The following POLD1 variants were observed in gnomAD, a reference collection of about 807,000 sequenced individuals.
POLD1 encodes the protein DNA polymerase delta 1, catalytic subunit.
A neutral mutation model predicts 129.7 loss-of-function variants in POLD1; 79 were observed. The observed-to-expected ratio is 0.61, with a 90% CI of 0.51 to 0.73. POLD1 has a LOEUF of 0.73. Among genes scored for constraint, POLD1 ranks in the 30% least tolerant of loss-of-function variants. POLD1 has a pLI of 0.00. For missense variants in POLD1, 1,338 were observed against 1,595.8 expected, an observed-to-expected ratio of 0.84 and a Z score of 2.75; for synonymous variants, 714 against 683.3, an observed-to-expected ratio of 1.04 and a Z score of -0.70.
rs186005257 is a variant in POLD1 at position 50,405,298 on chromosome 19, A to G, written c.1243-884A>G. Among the ~76,000 whole-genome samples the G allele has an allele frequency of 4.6e-5, 7 of 152,302 alleles. No homozygotes were observed. The East Asian group carries it at 1.4e-3, about 29-fold the overall frequency. On this transcript the variant is annotated intron_variant, in intron 10 of 26. Coordinates refer to ENST00000440232, the MANE Select transcript of POLD1 (RefSeq NM_002691.4). ...TTCACTTGACCCCCTGCGAAGACAT[A>G]TTTCCAAATGAGGTTACATTCTGAG...
At chr19:50,386,471 C>T (rs2037975652) in intron 1 of POLD1, among the ~76,000 whole-genome samples, 1 of 152,196 alleles carries the variant, frequency 6.6e-6, no homozygotes, top group South Asian at 2.1e-4. Context: ...GGACACTGTG[C>T]AGAGTGATGC....
chr19:50,415,694 T>A, intron 21 of POLD1, 30 bp from the exon 22 acceptor site: 4 of 580,476 alleles, frequency 6.9e-6, no homozygotes, highest in South Asian at 1.9e-5. Flanking sequence ...CCACCTGCCC[T>A]CACCCACCCG....
chr19:50,393,836 A>G (rs1388227233), intron 1 of POLD1: 1 of 152,262 alleles, frequency 6.6e-6, no homozygotes, highest in Non-Finnish European at 1.5e-5. Context: ...CCTTCTGCAC[A>G]GCCTGCTTTC....
chr19:50,410,104 C>T (rs1460730071), intron 17 of POLD1, among the ~76,000 whole-genome samples: 2 of 152,156 alleles, frequency 1.3e-5, no homozygotes, highest in East Asian at 1.9e-4. Flanking sequence ...GGCCAAGGGA[C>T]GTGGGGAGGG....
At chr19:50,411,496 T>C (rs1405804867) in intron 17 of POLD1, among the ~76,000 whole-genome samples, 1 of 152,066 alleles carries the variant, frequency 6.6e-6, no homozygotes, top group African/African-American at 2.4e-5. Flanking sequence ...TTGACCTCTT[T>C]CCTTATTTCT....
chr19:50,406,649 AC>A lies in POLD1; in HGVS notation c.1494+134del. The A allele has an allele frequency of 1.4e-6, 1 of 699,454 alleles. No individual in the cohort carries two copies. Among genetic ancestry groups the A allele is most frequent in the Non-Finnish European group, 2.5e-6 (1 of 402,454 alleles). The allele number at this position is 699,454 out of a possible 1,614,324, so 43.3% of individuals were successfully genotyped here. On this transcript the variant is annotated intron_variant, in intron 12 of 26. Coordinates refer to ENST00000440232, the MANE Select transcript of POLD1 (RefSeq NM_002691.4). The surrounding 1 kb of genome is among the most constrained non-coding windows in gnomAD (Gnocchi z 5.5). Reference sequence around the variant, plus strand: ...ACCTGCTGTTATGACCTGTGACCTTACCTGACGCCCACTTTTTCCTGACCTC... The same window carrying A: ...ACCTGCTGTTATGACCTGTGACCTTACTGACGCCCACTTTTTCCTGACCTC...
rs112880366 is a variant in POLD1 at position 50,396,729 on chromosome 19, C to T, written c.-1-2122C>T. On this transcript the variant is annotated intron_variant, in intron 1 of 26. Coordinates refer to ENST00000440232, the MANE Select transcript of POLD1 (RefSeq NM_002691.4). ...TCTCCTGACCTCATGATTCACCTGC[C>T]TCCTAAAGTGCTGGGATTACAGGTG... Among the ~76,000 whole-genome samples the T allele has an allele frequency of 7.0e-3, 1,069 of 152,084 alleles. 13 individuals carry two copies. Among genetic ancestry groups the T allele is most frequent in the African/African-American group, 0.025 (1,035 of 41,506 alleles).
intron 17 of POLD1, among the ~76,000 whole-genome samples, chr19:50,413,163 C>T (rs1471536653): frequency 6.6e-6 from 1 of 152,200 alleles, no homozygotes; most frequent in Non-Finnish European, 1.5e-5. Context: ...GCAGTCTTTC[C>T]AGCATGCATT....
chr19:50,407,725 A>ATT lies in POLD1; in HGVS notation c.1775+332_1775+333dup, dbSNP rs571759517. Reference sequence around the variant, plus strand: ...AGGCGCCCACCACCACGCCTGGCTAATTTTTTTTTTTTTTTTTTTTTTTGC... The same window carrying ATT: ...AGGCGCCCACCACCACGCCTGGCTAATTTTTTTTTTTTTTTTTTTTTTTTTGC... On this transcript the variant is annotated intron_variant, in intron 14 of 26. Transcript: ENST00000440232. Among the ~76,000 whole-genome samples the ATT allele has an allele frequency of 0.017, 1,592 of 95,228 alleles. 55 individuals carry two copies. The highest frequency in any genetic ancestry group is 0.063 in the African/African-American group (1,341 of 21,350). The allele number at this position is 95,228 out of a possible 152,430, so 62.5% of individuals were successfully genotyped here. A position where few individuals can be genotyped will look rare whatever the true frequency, so the allele number is the denominator to read the frequency against.
intron 14 of POLD1, among the ~76,000 whole-genome samples, chr19:50,407,725 A>ATTTTTTTTTTTTTTTTT (rs571759517): frequency 1.0e-5 from 1 of 95,336 alleles, no homozygotes; most frequent in African/African-American, 4.7e-5. Context: ...CGCCTGGCTA[A>ATTTTTTTTTTTTTTTTT]TTTTTTTTTT....
At chr19:50,399,862 T>C (rs1568616157) in intron 3 of POLD1, among the ~76,000 whole-genome samples, 1 of 152,188 alleles carries the variant, frequency 6.6e-6, no homozygotes, top group Non-Finnish European at 1.5e-5. Flanking sequence ...TTGCCCAGGC[T>C]GGAGTGCAGT....
intron 1 of POLD1, among the ~76,000 whole-genome samples, chr19:50,385,842 C>T (rs1375954322): frequency 1.3e-5 from 2 of 151,392 alleles, no homozygotes; most frequent in Non-Finnish European, 2.9e-5. Flanking sequence ...TCTCCTCCTT[C>T]CTGCACTTCC....
intron 1 of POLD1, among the ~76,000 whole-genome samples, chr19:50,394,834 TTTTG>T (rs549497937): frequency 5.9e-4 from 89 of 151,798 alleles, no homozygotes; most frequent in South Asian, 2.7e-3. Context: ...AGTACTTTGT[TTTTG>T]TTTGTTTGTT....
intron 22 of POLD1, 101 bp downstream of exon 22, chr19:50,415,927 C>G: frequency 1.1e-6 from 1 of 897,928 alleles, no homozygotes; most frequent in Non-Finnish European, 1.6e-6. Context: ...CTCCCGTGCC[C>G]TGTGGGGCCC....
In POLD1 at chr19:50,406,550, C is replaced by A. The variant is rs1390816334; in HGVS notation, c.1494+33C>A. On this transcript the variant is annotated intron_variant, in intron 12 of 26. Coordinates refer to ENST00000440232, the MANE Select transcript of POLD1 (RefSeq NM_002691.4). This position sits in a 1 kb window ranked among gnomAD's most constrained non-coding sequence, Gnocchi z 5.5. ...CTGCCTCCCTGACCTCTCACCCCAACCTCTGACCTCCACCTCACCCTTCCC... is the reference window on the plus strand; with the variant it reads ...CTGCCTCCCTGACCTCTCACCCCAAACTCTGACCTCCACCTCACCCTTCCC... The A allele has an allele frequency of 1.4e-6, 2 of 1,456,524 alleles. No individual in the cohort carries two copies. Among genetic ancestry groups the A allele is most frequent in the Non-Finnish European group, 1.9e-6 (2 of 1,060,862 alleles). The allele number at this position is 1,456,524 out of a possible 1,614,324, so 90.2% of individuals were successfully genotyped here. A position where few individuals can be genotyped will look rare whatever the true frequency, so the allele number is the denominator to read the frequency against.
rs921479937 is a variant in POLD1 at position 50,405,055 on chromosome 19, G to A, written c.1243-1127G>A. On this transcript the variant is annotated intron_variant, in intron 10 of 26. Coordinates refer to ENST00000440232, the MANE Select transcript of POLD1 (RefSeq NM_002691.4). ...GCTGGGATTACAGGCGTGAGCCACCGCGCCTGGCCTATTTTTGTTTTTGTT... is the reference window on the plus strand; with the variant it reads ...GCTGGGATTACAGGCGTGAGCCACCACGCCTGGCCTATTTTTGTTTTTGTT... 5.9e-5 allele frequency among the ~76,000 whole-genome samples: 9 copies of A among 151,940 alleles called. No individual in the cohort carries two copies. In the South Asian group the frequency reaches 6.2e-4, roughly 10 times the overall value.
At chr19:50,413,623 G>C in intron 18 of POLD1, 102 bp downstream of exon 18, 1 of 1,528,232 alleles carries the variant, frequency 6.5e-7, no homozygotes, top group South Asian at 1.1e-5. Context: ...GTCACACCCT[G>C]CCCACTCTCC....
In POLD1 at chr19:50,407,183, C is replaced by A; in HGVS notation, c.1686+9C>A. 1 of 1,593,580 alleles carries A rather than the reference C, an allele frequency of 6.3e-7. No individual in the cohort carries two copies. Among genetic ancestry groups the A allele is most frequent in the Non-Finnish European group, 8.6e-7 (1 of 1,165,388 alleles). Reference sequence around the variant, plus strand: ...CCCAGCTGTTGCGGCAGGTCAGTAGCCGAGACTTGTCCTCGCCACCCCCCA... The same window carrying A: ...CCCAGCTGTTGCGGCAGGTCAGTAGACGAGACTTGTCCTCGCCACCCCCCA... On this transcript the variant is annotated intron_variant, in intron 13 of 26. Transcript: ENST00000440232.
intron 1 of POLD1, among the ~76,000 whole-genome samples, chr19:50,387,960 G>A (rs1279241206): frequency 1.3e-5 from 2 of 152,208 alleles, no homozygotes; most frequent in African/African-American, 2.4e-5. Context: ...TACGTCAGAC[G>A]TGTTCTAGCC....
Sources: allele counts gnomAD v4.1 joint callset (sites outside exome capture counted in the v4.1 genomes callset), GRCh38; gene constraint gnomAD v4.1.1; non-coding constraint Gnocchi (gnomAD v3.1); transcripts MANE v1.5; gene names NCBI Gene and HGNC (gene_info 2026-07-23, HGNC 2026-07-21).